HEATR5A: variants seen among roughly 807,000 people sequenced by gnomAD.
HEATR5A encodes HEAT repeat-containing protein 5A.
Under a neutral mutation model 218.8 loss-of-function variants are expected in HEATR5A, and 178 were observed. The observed-to-expected ratio is 0.81, with a 90% CI of 0.72 to 0.92. The LOEUF (loss-of-function observed/expected upper bound fraction) is 0.92. Ranked by LOEUF, HEATR5A falls within the 40% of genes least tolerant of loss-of-function variation. HEATR5A has a pLI of 0.00. For synonymous variants in HEATR5A, 864 were observed against 871.6 expected (o/e 0.99, Z 0.15); for missense variants, 2,420 against 2,418.9 (o/e 1.00, Z -0.01).
intron 14 of HEATR5A, among the ~76,000 whole-genome samples, chr14:31,360,050 T>TAAAA (rs56352246): frequency 6.8e-6 from 1 of 147,026 alleles, no homozygotes; most frequent in African/African-American, 2.5e-5. Context: ...TCTCATGTTG[T>TAAAA]AAAAAAAAAA....
chr14:31,350,582 C>G (rs1176318873), intron 17 of HEATR5A, 30 bp downstream of exon 17: 2 of 1,251,076 alleles, frequency 1.6e-6, no homozygotes, highest in East Asian at 5.0e-5. Flanking sequence ...AAAATGAAGC[C>G]AACATTTAAA....
At chr14:31,327,694 A>G (rs909649489) in intron 22 of HEATR5A, among the ~76,000 whole-genome samples, 1 of 152,228 alleles carries the variant, frequency 6.6e-6, no homozygotes. Context: ...CAAACAGAAA[A>G]CAAACACTAT....
chr14:31,398,756 A>T lies in HEATR5A; in HGVS notation c.364T>A (p.Leu122Met). The T allele has an allele frequency of 6.5e-7, 1 of 1,530,738 alleles. No individual in the cohort carries two copies. The highest frequency in any genetic ancestry group is 8.8e-7 in the Non-Finnish European group (1 of 1,141,848). 94.8% of individuals were successfully genotyped at this position (1,530,738 alleles called of 1,614,324 possible). A position where few individuals can be genotyped will look rare whatever the true frequency, so the allele number is the denominator to read the frequency against. The change falls in exon 4 of 36, where the codon TTG becomes ATG. Residue 122 changes from leucine to methionine, a missense_variant. By Grantham distance (15) the Leu-to-Met change is conservative. Transcript: ENST00000543095. ...KLAAVVCLGSLYKKLGRILGN... is the reference protein window; with the variant it reads ...KLAAVVCLGSMYKKLGRILGN... ...AGTATTCTACCCAACTTCTTGTACA[A>T]GGAACCCAAACATACCACAGCAGCA...
chr14:31,374,917 C>T lies in HEATR5A; in HGVS notation c.1760G>A (p.Cys587Tyr). Reference sequence around the variant, plus strand: ...ATCTTTAGGAGATGCTGGAAAGACACACTTCCACAACAGCAGAACTCGAGC... The same window carrying T: ...ATCTTTAGGAGATGCTGGAAAGACATACTTCCACAACAGCAGAACTCGAGC... ...HLARVLLLWK[C>Y]VFPASPKDLE... is the part of the protein sequence containing the mutation. Residue 587 changes from cysteine (C) to tyrosine (Y), a missense_variant, in exon 12 of 36, where the codon TGT (cysteine) becomes TAT (tyrosine). Cys to Tyr is a radical substitution (Grantham distance 194, BLOSUM62 -2). Coordinates refer to ENST00000543095, the MANE Select transcript of HEATR5A (RefSeq NM_015473.4). The T allele has an allele frequency of 6.2e-7, 1 of 1,612,724 alleles. No individual in the cohort carries two copies.
intron 4 of HEATR5A, among the ~76,000 whole-genome samples, chr14:31,396,875 A>G (rs2030674693): frequency 6.6e-6 from 1 of 152,254 alleles, no homozygotes; most frequent in African/African-American, 2.4e-5. Flanking sequence ...TTTCATAACT[A>G]TAGAGTAATC....
At chr14:31,370,157 C>T (rs572270885) in intron 13 of HEATR5A, among the ~76,000 whole-genome samples, 29 of 151,110 alleles carry the variant, frequency 1.9e-4, no homozygotes, top group African/African-American at 6.8e-4. Context: ...ACCCGGGAGG[C>T]GGAGGTTGCA....
chr14:31,387,080 T>C (rs2139283110), intron 8 of HEATR5A, 40 bp downstream of exon 8: 1 of 1,602,694 alleles, frequency 6.2e-7, no homozygotes, highest in East Asian at 2.2e-5. Flanking sequence ...GACAATTCCA[T>C]TAGCACTGTT....
chr14:31,409,188 C>T (rs534784604), intron 1 of HEATR5A, among the ~76,000 whole-genome samples: 41 of 149,148 alleles, frequency 2.7e-4, no homozygotes, highest in Admixed American at 2.3e-3. Flanking sequence ...GCTGGGACTA[C>T]AGGCACATGC....
At chr14:31,332,305 G>A (rs899966677) in intron 22 of HEATR5A, among the ~76,000 whole-genome samples, 1 of 152,190 alleles carries the variant, frequency 6.6e-6, no homozygotes, top group Non-Finnish European at 1.5e-5. Context: ...TAAATGTTGA[G>A]TGTGTTCTGA....
Position 31,387,116 on chromosome 14 carries a change from A to G in HEATR5A, c.1189+4T>C, listed in dbSNP as rs2030257655. 3.7e-6 allele frequency: 6 copies of G among 1,613,936 alleles called. No individual in the cohort carries two copies. The highest frequency in any genetic ancestry group is 5.1e-6 in the Non-Finnish European group (6 of 1,179,822). On this transcript the variant is annotated splice_donor_region_variant and intron_variant, in intron 8 of 35. Coordinates refer to ENST00000543095, the MANE Select transcript of HEATR5A (RefSeq NM_015473.4). ...AAACAAACTGTCTTAGTAGAGATCCATACCCATAACTTTCTTTAGCTTCCA... is the reference window on the plus strand; with the variant it reads ...AAACAAACTGTCTTAGTAGAGATCCGTACCCATAACTTTCTTTAGCTTCCA...
intron 9 of HEATR5A, among the ~76,000 whole-genome samples, chr14:31,384,953 C>T (rs949472046): frequency 2.0e-5 from 3 of 152,134 alleles, no homozygotes; most frequent in Non-Finnish European, 2.9e-5. Flanking sequence ...GTAACTGTCA[C>T]CATCAATAAA....
At chr14:31,333,477 C>A (rs528355079) in intron 22 of HEATR5A, among the ~76,000 whole-genome samples, 1 of 152,026 alleles carries the variant, frequency 6.6e-6, no homozygotes, top group African/African-American at 2.4e-5. Flanking sequence ...GTCTTGAACT[C>A]CTGACCTCAA....
At chr14:31,400,155 GTTTC>G in intron 3 of HEATR5A, 142 bp downstream of exon 3, 1 of 545,336 alleles carries the variant, frequency 1.8e-6, no homozygotes, top group Non-Finnish European at 3.2e-6. Context: ...AAAAGTGTTA[GTTTC>G]TTTTTTAAGT....
At chr14:31,319,306 C>A (rs1463145940) in intron 25 of HEATR5A, among the ~76,000 whole-genome samples, 1 of 152,018 alleles carries the variant, frequency 6.6e-6, no homozygotes, top group Non-Finnish European at 1.5e-5. Flanking sequence ...GCGTCTGTCA[C>A]CACATCTGGC....
At chr14:31,369,634 A>AAC (rs1555370129) in intron 13 of HEATR5A, among the ~76,000 whole-genome samples, 101 of 145,970 alleles carry the variant, frequency 6.9e-4, no homozygotes, top group African/African-American at 2.7e-3. Flanking sequence ...AAAAAAAAAA[A>AAC]AACCCAAAAA....
intron 6 of HEATR5A, among the ~76,000 whole-genome samples, chr14:31,389,849 C>T (rs1326689866): frequency 6.6e-6 from 1 of 152,084 alleles, no homozygotes; most frequent in Non-Finnish European, 1.5e-5. Context: ...AGTGCAAAAT[C>T]CATGCTCTGT....
intron 21 of HEATR5A, among the ~76,000 whole-genome samples, chr14:31,342,399 AAT>A (rs1900869769): frequency 6.6e-6 from 1 of 152,282 alleles, no homozygotes; most frequent in African/African-American, 2.4e-5. Flanking sequence ...TAAATAAATA[AAT>A]AGTTTTATAT....
intron 1 of HEATR5A, among the ~76,000 whole-genome samples, chr14:31,415,959 C>CA (rs1555372850): frequency 3.4e-4 from 50 of 147,458 alleles, no homozygotes; most frequent in Non-Finnish European, 6.2e-4. Flanking sequence ...TTTTCCTTTT[C>CA]TTTTTTTTTG....
intron 9 of HEATR5A, among the ~76,000 whole-genome samples, chr14:31,384,671 T>C (rs904034347): frequency 4.0e-5 from 6 of 151,730 alleles, no homozygotes; most frequent in Non-Finnish European, 7.4e-5. Flanking sequence ...GGATCCCAAG[T>C]GCGTGCCACT....
Sources: gnomAD v4.1 joint callset for allele counts (sites outside exome capture counted in the v4.1 genomes callset) on GRCh38, gnomAD v4.1.1 for gene constraint, MANE v1.5 for transcripts, NCBI Gene and HGNC (gene_info 2026-07-23, HGNC 2026-07-21) for gene names.